The following PAX3 variants were observed in gnomAD, a reference collection of about 807,000 sequenced individuals.
PAX3 encodes the protein paired box 3, also known as paired box protein Pax-3.
Under a neutral mutation model 51.6 loss-of-function variants are expected in PAX3, and 14 were observed. That is an observed-to-expected ratio of 0.27 (90% confidence interval 0.18 to 0.42). The LOEUF (loss-of-function observed/expected upper bound fraction) is 0.42, where lower values mean the gene tolerates loss of function less well. Among genes scored for constraint, PAX3 ranks in the 10% least tolerant of loss-of-function variants. The pLI is 1.00. For synonymous variants in PAX3, 280 were observed against 253.4 expected (o/e 1.11, Z -1.00); for missense variants, 540 against 642.8 (o/e 0.84, Z 1.73).
intron 4 of PAX3, among the ~76,000 whole-genome samples, chr2:222,240,716 T>C (rs1013532138): frequency 6.6e-6 from 1 of 152,206 alleles, no homozygotes; most frequent in South Asian, 2.1e-4. Context: ...GAGGAATTTG[T>C]TATTGGCTTG....
At chr2:222,298,429 GC>G in intron 1 of PAX3, 101 bp downstream of exon 1, 2 of 952,628 alleles carry the variant, frequency 2.1e-6, no homozygotes, top group Non-Finnish European at 3.3e-6. Context: ...CAGGGAATGG[GC>G]TTCCTGGAAG....
intron 7 of PAX3, among the ~76,000 whole-genome samples, chr2:222,203,515 G>A (rs1691387431): frequency 6.6e-6 from 1 of 152,100 alleles, no homozygotes; most frequent in Non-Finnish European, 1.5e-5. Flanking sequence ...AGAAAGAGGA[G>A]AGGGCAGAAA....
At chr2:222,286,471 G>A (rs189651595) in intron 4 of PAX3, among the ~76,000 whole-genome samples, 31 of 152,348 alleles carry the variant, frequency 2.0e-4, no homozygotes, top group Admixed American at 9.1e-4. Flanking sequence ...GCTAGGGAAG[G>A]TAATTTATCA....
At chr2:222,281,334 T>C (rs1198767673) in intron 4 of PAX3, among the ~76,000 whole-genome samples, 1 of 152,192 alleles carries the variant, frequency 6.6e-6, no homozygotes, top group East Asian at 1.9e-4. Flanking sequence ...AAACGGAAAA[T>C]TAAAACATTT....
intron 4 of PAX3, among the ~76,000 whole-genome samples, chr2:222,284,458 TAAG>T (rs1038579145): frequency 1.3e-5 from 2 of 152,198 alleles, no homozygotes; most frequent in Admixed American, 1.3e-4. Flanking sequence ...GAAAAGTAAT[TAAG>T]AAGCATGTTT....
At chr2:222,216,340 G>A (rs1445393034) in intron 7 of PAX3, among the ~76,000 whole-genome samples, 2 of 152,152 alleles carry the variant, frequency 1.3e-5, no homozygotes, top group African/African-American at 2.4e-5. Flanking sequence ...ATATTCCCCA[G>A]ATATTGTTGC....
At chr2:222,228,144 T>A (rs1021728846) in intron 5 of PAX3, among the ~76,000 whole-genome samples, 4 of 152,190 alleles carry the variant, frequency 2.6e-5, no homozygotes, top group Admixed American at 2.6e-4. Flanking sequence ...TCCCTTCTTT[T>A]TCCTGCTGGG....
intron 4 of PAX3, among the ~76,000 whole-genome samples, chr2:222,282,459 A>T (rs1478878377): frequency 6.6e-6 from 1 of 152,260 alleles, no homozygotes; most frequent in Non-Finnish European, 1.5e-5. Context: ...ACAAATTAAA[A>T]GTCAGCCATT....
chr2:222,298,404 G>A, intron 1 of PAX3, 127 bp downstream of exon 1: 2 of 730,602 alleles, frequency 2.7e-6, no homozygotes, highest in East Asian at 2.7e-5. Flanking sequence ...GGTGCTTCTT[G>A]GGGTGTGGGG....
chr2:222,270,319 A>G (rs1172962611), intron 4 of PAX3, among the ~76,000 whole-genome samples: 1 of 152,224 alleles, frequency 6.6e-6, no homozygotes, highest in East Asian at 1.9e-4. Context: ...CATAACATTC[A>G]GACCATTGTC....
At chr2:222,232,872 A>C (rs930345536) in intron 4 of PAX3, 4 of 153,782 alleles carry the variant, frequency 2.6e-5, no homozygotes, top group Admixed American at 1.3e-4. Context: ...CTGCTCTTAT[A>C]AAAAATTATA....
In PAX3 at chr2:222,221,202, C is replaced by T; in HGVS notation, c.958+20G>A. On this transcript the variant is annotated intron_variant, in intron 6 of 8. Coordinates refer to ENST00000392070, the MANE Select transcript of PAX3 (RefSeq NM_181458.4). ...TCGCCTGGAAGTTACTTTCTAATCT[C>T]CTTGACTCTTCCTCGGTACCTTGTG... 6.2e-7 allele frequency: 1 copy of T among 1,613,054 alleles called. No homozygotes were observed. Among genetic ancestry groups the T allele is most frequent in the Non-Finnish European group, 8.5e-7 (1 of 1,179,116 alleles).
At position 222,201,217 on chromosome 2, in the gene PAX3, G is replaced by T. The variant is rs186541215; in HGVS notation, c.*191C>A. On this transcript the variant is annotated 3_prime_UTR_variant, in exon 9 of 9. Coordinates refer to ENST00000392070, the MANE Select transcript of PAX3 (RefSeq NM_181458.4). ...CTCTTCTCCACTGCTTTTGTCGAACGTGTTCAAAAGGATTTGAAACCAACT... is the reference window on the plus strand; with the variant it reads ...CTCTTCTCCACTGCTTTTGTCGAACTTGTTCAAAAGGATTTGAAACCAACT... 1 of 1,613,908 alleles carries T rather than the reference G, an allele frequency of 6.2e-7. No homozygotes were observed. The highest frequency in any genetic ancestry group is 1.3e-5 in the African/African-American group (1 of 74,966).
chr2:222,209,993 C>T (rs1396067019), intron 7 of PAX3, among the ~76,000 whole-genome samples: 2 of 152,160 alleles, frequency 1.3e-5, no homozygotes, highest in African/African-American at 4.8e-5. Context: ...AACTACTACA[C>T]CATTAAGCTA....
intron 2 of PAX3, 77 bp downstream of exon 2, chr2:222,296,901 C>T (rs1243764746): frequency 5.0e-6 from 6 of 1,197,452 alleles, no homozygotes; most frequent in South Asian, 1.3e-5. Context: ...AGATGTCAGC[C>T]GTTACCCCCC....
At chr2:222,203,252 G>A (rs1691377682) in intron 7 of PAX3, among the ~76,000 whole-genome samples, 1 of 151,424 alleles carries the variant, frequency 6.6e-6, no homozygotes, top group Non-Finnish European at 1.5e-5. Flanking sequence ...GAAAGTAAGT[G>A]GATAATTAAT....
intron 4 of PAX3, among the ~76,000 whole-genome samples, chr2:222,280,158 C>T (rs114083736): frequency 0.14 from 20,669 of 151,504 alleles, 1,663 homozygotes; most frequent in Non-Finnish European, 0.18. Flanking sequence ...TTGCAATGAG[C>T]TGAGATTGTG....
intron 7 of PAX3, among the ~76,000 whole-genome samples, chr2:222,204,143 T>C (rs1352246359): frequency 2.6e-5 from 4 of 152,140 alleles, no homozygotes. Flanking sequence ...GAGCCCAATT[T>C]TGTTTTATTG....
chr2:222,217,155 G>A (rs538460507), intron 7 of PAX3, among the ~76,000 whole-genome samples: 1 of 152,150 alleles, frequency 6.6e-6, no homozygotes, highest in Non-Finnish European at 1.5e-5. Flanking sequence ...CATGGTAGTT[G>A]CCTTGGGGGT....
Sources: gnomAD v4.1 joint callset for allele counts (sites outside exome capture counted in the v4.1 genomes callset) on GRCh38, gnomAD v4.1.1 for gene constraint, MANE v1.5 for transcripts, NCBI Gene and HGNC (gene_info 2026-07-23, HGNC 2026-07-21) for gene names.